The following RBFOX1 variants were observed in gnomAD, a reference collection of about 807,000 sequenced individuals.
RBFOX1 encodes RNA binding protein fox-1 homolog 1.
In RBFOX1, 8 loss-of-function variants were observed where a neutral mutation model predicts 57.7. That is an observed-to-expected ratio of 0.14 (90% CI 0.08 to 0.25). The LOEUF (loss-of-function observed/expected upper bound fraction) is 0.25. Ranked by LOEUF, RBFOX1 falls within the 10% of genes least tolerant of loss-of-function variation. The pLI, the probability that RBFOX1 is intolerant of heterozygous loss-of-function variation, is 1.00. For synonymous variants in RBFOX1, 326 were observed against 222.4 expected (o/e 1.47, Z -4.15); for missense variants, 611 against 548.5 (o/e 1.11, Z -1.14).
chr16:7,070,679 G>C (rs1347433723), intron 4 of RBFOX1, among the ~76,000 whole-genome samples: 1 of 152,162 alleles, frequency 6.6e-6, no homozygotes, highest in Non-Finnish European at 1.5e-5. Flanking sequence ...GAAGTGATTT[G>C]GGAGCACAGC....
intron 1 of RBFOX1, among the ~76,000 whole-genome samples, chr16:6,222,683 T>TA (rs1567712271): frequency 7.2e-5 from 8 of 111,798 alleles, no homozygotes; most frequent in African/African-American, 2.5e-4. Flanking sequence ...TTTTCTTTTC[T>TA]TTTATTATTA....
chr16:7,664,922 C>T lies in RBFOX1; in HGVS notation c.891-7C>T. On this transcript the variant is annotated splice_polypyrimidine_tract_variant and splice_region_variant and intron_variant, in intron 12 of 15. Coordinates refer to ENST00000550418, the MANE Select transcript of RBFOX1 (RefSeq NM_018723.4). ...GGATGTTTCTCTTTGTGTGTGCACC[C>T]TTGCAGTGTTGTTTACCAGGATGGA... 9 of 1,613,916 alleles carry T rather than the reference C, an allele frequency of 5.6e-6. No individual in the cohort carries two copies. Among genetic ancestry groups the T allele is most frequent in the Non-Finnish European group, 7.6e-6 (9 of 1,179,840 alleles).
chr16:6,816,040 A>G (rs2089990663), intron 3 of RBFOX1, among the ~76,000 whole-genome samples: 2 of 152,174 alleles, frequency 1.3e-5, no homozygotes, highest in African/African-American at 4.8e-5. Flanking sequence ...GCCAGGAGCA[A>G]TGGCTCATGC....
chr16:6,368,677 G>T (rs2090013013), intron 2 of RBFOX1, among the ~76,000 whole-genome samples: 1 of 152,236 alleles, frequency 6.6e-6, no homozygotes, highest in South Asian at 2.1e-4. Context: ...TATGTCATAG[G>T]TTCATTCACC....
intron 4 of RBFOX1, among the ~76,000 whole-genome samples, chr16:7,215,815 C>G (rs1265898027): frequency 1.3e-5 from 2 of 150,596 alleles, no homozygotes; most frequent in African/African-American, 2.5e-5. Context: ...AGCTCTGCCT[C>G]TCGGGTTCAC....
At chr16:7,350,835 C>G (rs73565835) in intron 4 of RBFOX1, among the ~76,000 whole-genome samples, 4,365 of 152,230 alleles carry the variant, frequency 0.029, 139 homozygotes, top group African/African-American at 0.078. Context: ...GTATCTGTGT[C>G]TGTGCCTGAA....
intron 4 of RBFOX1, among the ~76,000 whole-genome samples, chr16:7,316,897 G>C (rs1207382313): frequency 2.0e-5 from 3 of 151,836 alleles, no homozygotes; most frequent in Non-Finnish European, 4.4e-5. Flanking sequence ...AAGGGCCAGA[G>C]ACGACTGGAG....
At chr16:5,838,294 G>A (rs1256400035) in intron 3 of RBFOX1, 1 of 223,080 alleles carries the variant, frequency 4.5e-6, no homozygotes, top group African/African-American at 2.3e-5. Context: ...GTGGCGGCCT[G>A]CCTCTTTCCA....
At chr16:7,163,598 G>T (rs1299772271) in intron 4 of RBFOX1, among the ~76,000 whole-genome samples, 1 of 151,666 alleles carries the variant, frequency 6.6e-6, no homozygotes. Flanking sequence ...TTTCTACAGA[G>T]CAGAATAAGC....
At chr16:6,004,662 A>G (rs930184159) in intron 4 of RBFOX1, among the ~76,000 whole-genome samples, 3 of 152,202 alleles carry the variant, frequency 2.0e-5, no homozygotes, top group Non-Finnish European at 2.9e-5. Context: ...AGAATGGTCT[A>G]TTTAATGCCC....
At chr16:7,410,231 G>A (rs12051507) in intron 4 of RBFOX1, among the ~76,000 whole-genome samples, 70,349 of 151,948 alleles carry the variant, frequency 0.46, 16,523 homozygotes, top group East Asian at 0.61. Context: ...CAGTGCTGTA[G>A]GCACTGCATA....
intron 2 of RBFOX1, among the ~76,000 whole-genome samples, chr16:6,338,786 C>T (rs1214308614): frequency 6.6e-6 from 1 of 152,216 alleles, no homozygotes; most frequent in African/African-American, 2.4e-5. Flanking sequence ...ATTATGTTCA[C>T]TTTCAAAAGT....
At chr16:5,685,442 G>C (rs1213096920) in intron 3 of RBFOX1, among the ~76,000 whole-genome samples, 1 of 152,182 alleles carries the variant, frequency 6.6e-6, no homozygotes, top group Non-Finnish European at 1.5e-5. Context: ...CCTAATAGGA[G>C]CTTGAGTGCC....
intron 3 of RBFOX1, among the ~76,000 whole-genome samples, chr16:6,900,890 G>T (rs7200045): frequency 0.2 from 29,681 of 152,146 alleles, 2,959 homozygotes; most frequent in South Asian, 0.29. Context: ...TATGTCTTGT[G>T]AACTGCTAGA....
intron 1 of RBFOX1, among the ~76,000 whole-genome samples, chr16:6,041,472 A>G (rs1384183875): frequency 1.3e-5 from 2 of 152,076 alleles, no homozygotes; most frequent in Non-Finnish European, 2.9e-5. Context: ...TTAGTGTTTT[A>G]TATGTACTAT....
intron 3 of RBFOX1, among the ~76,000 whole-genome samples, chr16:6,752,706 A>G (rs567491711): frequency 2.6e-5 from 4 of 152,274 alleles, no homozygotes; most frequent in South Asian, 4.1e-4. Flanking sequence ...TTCATGCAAC[A>G]GGTGCACCTA....
intron 4 of RBFOX1, among the ~76,000 whole-genome samples, chr16:7,181,557 C>A (rs527833034): frequency 6.6e-6 from 1 of 151,778 alleles, no homozygotes; most frequent in East Asian, 2.0e-4. Context: ...TCTCTCATCT[C>A]TCTTTCTCTC....
chr16:6,914,689 C>T (rs764285191), intron 3 of RBFOX1, among the ~76,000 whole-genome samples: 2 of 152,152 alleles, frequency 1.3e-5, no homozygotes, highest in Admixed American at 1.3e-4. Flanking sequence ...GCCTGGCCAA[C>T]ATAGCAAGAT....
intron 4 of RBFOX1, among the ~76,000 whole-genome samples, chr16:7,148,754 C>T (rs1306722768): frequency 6.6e-6 from 1 of 152,164 alleles, no homozygotes; most frequent in Non-Finnish European, 1.5e-5. Context: ...CCGAAGAGGC[C>T]TGGGAGGCAG....
Sources: allele counts gnomAD v4.1 joint callset (sites outside exome capture counted in the v4.1 genomes callset), GRCh38; gene constraint gnomAD v4.1.1; transcripts MANE v1.5; gene names NCBI Gene and HGNC (gene_info 2026-07-23, HGNC 2026-07-21).